Variants in SPATS2 observed in about 807,000 individuals in gnomAD.
SPATS2 encodes spermatogenesis-associated serine-rich protein 2.
Under a neutral mutation model 63.7 loss-of-function variants are expected in SPATS2, and 38 were observed. The observed-to-expected ratio is 0.60, with a 90% CI of 0.46 to 0.78. The LOEUF (loss-of-function observed/expected upper bound fraction) is 0.78, where lower values mean the gene tolerates loss of function less well. Ranked by LOEUF, SPATS2 falls within the 30% of genes least tolerant of loss-of-function variation. The pLI is 0.00. For missense variants in SPATS2, 588 were observed against 666.2 expected, an observed-to-expected ratio of 0.88 and a Z score of 1.29; for synonymous variants, 207 against 232.9, an observed-to-expected ratio of 0.89 and a Z score of 1.01.
At chr12:49,428,696 T>C (rs1224863772) in intron 2 of SPATS2, among the ~76,000 whole-genome samples, 1 of 152,228 alleles carries the variant, frequency 6.6e-6, no homozygotes, top group Non-Finnish European at 1.5e-5. Context: ...TAAATAACAG[T>C]TGATCAGTTA....
intron 2 of SPATS2, among the ~76,000 whole-genome samples, chr12:49,424,980 C>T (rs1945048162): frequency 6.6e-6 from 1 of 152,096 alleles, no homozygotes. Flanking sequence ...CACACCTGGC[C>T]CATAGTATTT....
intron 3 of SPATS2, among the ~76,000 whole-genome samples, chr12:49,475,477 G>A (rs556618069): frequency 1.3e-5 from 2 of 152,224 alleles, no homozygotes; most frequent in East Asian, 3.9e-4. Context: ...GTCTTGCTCT[G>A]TAGCCCAGGC....
At chr12:49,396,262 T>G (rs1944509279) in intron 2 of SPATS2, among the ~76,000 whole-genome samples, 1 of 152,148 alleles carries the variant, frequency 6.6e-6, no homozygotes, top group African/African-American at 2.4e-5. Flanking sequence ...TATCCAGAAG[T>G]GAGATTAGTG....
At chr12:49,434,840 G>A (rs1240701811) in intron 2 of SPATS2, among the ~76,000 whole-genome samples, 1 of 151,922 alleles carries the variant, frequency 6.6e-6, no homozygotes, top group Non-Finnish European at 1.5e-5. Flanking sequence ...TTAGTAAGCA[G>A]TAACAAATTT....
At chr12:49,522,014 T>A (rs1946950068) in intron 11 of SPATS2, among the ~76,000 whole-genome samples, 3 of 146,954 alleles carry the variant, frequency 2.0e-5, no homozygotes, top group Admixed American at 2.0e-4. Context: ...CTCTTTTTTA[T>A]CTCCTTTTCA....
At chr12:49,402,955 A>C (rs1944632351) in intron 2 of SPATS2, among the ~76,000 whole-genome samples, 1 of 152,170 alleles carries the variant, frequency 6.6e-6, no homozygotes, top group African/African-American at 2.4e-5. Flanking sequence ...GGGACCATTC[A>C]GACAAGAGGT....
chr12:49,373,858 G>T lies in SPATS2; in HGVS notation c.-244+2568G>T, dbSNP rs377084423. Among the ~76,000 whole-genome samples, 7 of 152,276 alleles carry T rather than the reference G, an allele frequency of 4.6e-5. No individual in the cohort carries two copies. The East Asian group carries it at 9.6e-4, about 21-fold the overall frequency. ...TGCTTGAACCCAGGAAGCAGAGGTT[G>T]CAGTGAGCCAAGATCATGCCACTGC... On this transcript the variant is annotated intron_variant, in intron 2 of 13. Coordinates refer to ENST00000552918, the MANE Select transcript of SPATS2 (RefSeq NM_023071.4).
intron 2 of SPATS2, among the ~76,000 whole-genome samples, chr12:49,423,096 A>G (rs1373615243): frequency 6.7e-6 from 1 of 150,104 alleles, no homozygotes; most frequent in Non-Finnish European, 1.5e-5. Flanking sequence ...TTGGGGGAAA[A>G]CCCCTTTTGC....
chr12:49,417,147 T>C (rs1483691577), intron 2 of SPATS2, among the ~76,000 whole-genome samples: 2 of 152,224 alleles, frequency 1.3e-5, no homozygotes, highest in East Asian at 3.8e-4. Context: ...TTTGATTTCC[T>C]CTCTTTTCCT....
intron 9 of SPATS2, among the ~76,000 whole-genome samples, chr12:49,504,244 T>TTC (rs1946617646): frequency 6.6e-6 from 1 of 152,206 alleles, no homozygotes; most frequent in Non-Finnish European, 1.5e-5. Context: ...GATAACTCCT[T>TTC]TCACTTTGAT....
intron 2 of SPATS2, among the ~76,000 whole-genome samples, chr12:49,394,339 CA>C (rs35693643): frequency 0.16 from 13,524 of 81,968 alleles, 971 homozygotes; most frequent in African/African-American, 0.34. Context: ...ACCTTGTCTC[CA>C]AAAAAAAAAA....
At chr12:49,396,280 TCATATGTTTTC>T (rs1388026619) in intron 2 of SPATS2, among the ~76,000 whole-genome samples, 2 of 152,224 alleles carry the variant, frequency 1.3e-5, no homozygotes, top group African/African-American at 4.8e-5. Flanking sequence ...GTGGATCATG[TCATATGTTTTC>T]CATAGCAGCT....
chr12:49,483,153 A>G (rs112013217), intron 3 of SPATS2, among the ~76,000 whole-genome samples: 1 of 146,090 alleles, frequency 6.8e-6, no homozygotes, highest in Non-Finnish European at 1.5e-5. Context: ...AAAAAAAAAA[A>G]CAGAGCTAGA....
intron 2 of SPATS2, chr12:49,390,021 A>G (rs1944392255): frequency 2.2e-6 from 2 of 914,686 alleles, no homozygotes; most frequent in East Asian, 2.4e-5. Flanking sequence ...TAATATTTCA[A>G]CTTGAACAAG....
At chr12:49,516,670 C>A (rs1482839313) in intron 10 of SPATS2, among the ~76,000 whole-genome samples, 1 of 151,120 alleles carries the variant, frequency 6.6e-6, no homozygotes, top group Non-Finnish European at 1.5e-5. Context: ...TGCGCCACTG[C>A]ACTCCAGCCT....
chr12:49,504,938 A>G (rs953240309), intron 9 of SPATS2, among the ~76,000 whole-genome samples: 5 of 151,154 alleles, frequency 3.3e-5, no homozygotes, highest in Non-Finnish European at 5.9e-5. Flanking sequence ...TAATTTTTCT[A>G]TCTTTTGTAG....
At chr12:49,436,872 A>C (rs1592394397) in intron 2 of SPATS2, among the ~76,000 whole-genome samples, 6 of 109,242 alleles carry the variant, frequency 5.5e-5, no homozygotes, top group African/African-American at 1.4e-4. Flanking sequence ...TGACCCCCCC[A>C]CCTCCCTCCC....
intron 2 of SPATS2, among the ~76,000 whole-genome samples, chr12:49,399,515 A>G (rs1447538912): frequency 6.6e-6 from 1 of 152,224 alleles, no homozygotes; most frequent in Non-Finnish European, 1.5e-5. Context: ...AAGGCATAGC[A>G]AGGCATCTTG....
intron 3 of SPATS2, among the ~76,000 whole-genome samples, chr12:49,476,966 A>G (rs1254677395): frequency 6.6e-6 from 1 of 152,132 alleles, no homozygotes. Context: ...TTAGCCAGCC[A>G]TGGTGGCACA....
Sources: gnomAD v4.1 joint callset for allele counts (sites outside exome capture counted in the v4.1 genomes callset) on GRCh38, gnomAD v4.1.1 for gene constraint, MANE v1.5 for transcripts, NCBI Gene and HGNC (gene_info 2026-07-23, HGNC 2026-07-21) for gene names.